The following PDE5A variants were observed in gnomAD, a reference collection of about 807,000 sequenced individuals.
PDE5A encodes phosphodiesterase 5A.
A neutral mutation model predicts 110.2 loss-of-function variants in PDE5A; 67 were observed. The observed-to-expected ratio is 0.61, with a 90% confidence interval of 0.50 to 0.75. The LOEUF (loss-of-function observed/expected upper bound fraction) is 0.75, where lower values mean the gene tolerates loss of function less well. PDE5A is among the 30% of genes least tolerant of loss of function. The pLI, the probability that PDE5A is intolerant of heterozygous loss-of-function variation, is 0.00. For synonymous variants in PDE5A, 328 were observed against 351.2 expected (o/e 0.93, Z 0.74); for missense variants, 862 against 1,045.1 (o/e 0.82, Z 2.42).
At chr4:119,558,844 G>C (rs1393352205) in intron 7 of PDE5A, among the ~76,000 whole-genome samples, 1 of 148,654 alleles carries the variant, frequency 6.7e-6, no homozygotes, top group Non-Finnish European at 1.5e-5. Flanking sequence ...GTGAACCCGG[G>C]AGGCGGAGCT....
chr4:119,561,147 A>G lies in PDE5A; in HGVS notation c.1132-784T>C, dbSNP rs117293377. On this transcript the variant is annotated intron_variant, in intron 6 of 20. Coordinates refer to ENST00000354960, the MANE Select transcript of PDE5A (RefSeq NM_001083.4). The stretch of plus-strand genomic sequence containing the variant: ...CTGTCTCGAAAATAAGAAAGAAAAA[A>G]AATTTTTTAAATCACATTAAAAAGC... Among the ~76,000 whole-genome samples, 21 of 152,356 alleles carry G rather than the reference A, an allele frequency of 1.4e-4. No individual in the cohort carries two copies. The East Asian group carries it at 3.5e-3, about 25-fold the overall frequency.
chr4:119,575,728 A>C (rs745734605), intron 3 of PDE5A, among the ~76,000 whole-genome samples: 6 of 152,330 alleles, frequency 3.9e-5, no homozygotes, highest in Non-Finnish European at 8.8e-5. Context: ...GCCACTGCAA[A>C]AACATGCCAA....
At chr4:119,552,863 A>G (rs1443793123) in intron 8 of PDE5A, among the ~76,000 whole-genome samples, 1 of 151,944 alleles carries the variant, frequency 6.6e-6, no homozygotes, top group Admixed American at 6.6e-5. Flanking sequence ...TTCACTTTAA[A>G]CTTTCCAAGC....
intron 3 of PDE5A, among the ~76,000 whole-genome samples, chr4:119,593,424 T>C (rs1729048367): frequency 6.6e-6 from 1 of 152,126 alleles, no homozygotes; most frequent in Admixed American, 6.5e-5. Flanking sequence ...TACTGATACA[T>C]CCAACAGTAG....
intron 3 of PDE5A, among the ~76,000 whole-genome samples, chr4:119,585,014 G>T (rs145276324): frequency 6.6e-6 from 1 of 152,152 alleles, no homozygotes; most frequent in South Asian, 2.1e-4. Context: ...GGTGGCTCAC[G>T]CCTGTAATCC....
chr4:119,526,851 C>T (rs1726339182), intron 11 of PDE5A, among the ~76,000 whole-genome samples: 2 of 152,042 alleles, frequency 1.3e-5, no homozygotes, highest in African/African-American at 4.8e-5. Context: ...AATTTTTTCC[C>T]AAGACCAAAA....
chr4:119,516,628 T>C (rs934104550), intron 14 of PDE5A, among the ~76,000 whole-genome samples: 2 of 147,684 alleles, frequency 1.4e-5, no homozygotes, highest in Non-Finnish European at 3.0e-5. Context: ...AGATCATTCT[T>C]TTTTTTTTGA....
intron 3 of PDE5A, among the ~76,000 whole-genome samples, chr4:119,576,069 A>G (rs956237346): frequency 6.6e-6 from 1 of 152,248 alleles, no homozygotes; most frequent in Admixed American, 6.5e-5. Context: ...TTAAACCAAC[A>G]AAGATCAAAA....
chr4:119,552,446 T>C (rs1727388002), intron 9 of PDE5A, 104 bp downstream of exon 9: 1 of 439,884 alleles, frequency 2.3e-6, no homozygotes, highest in Non-Finnish European at 4.0e-6. Flanking sequence ...CCAAATTTTA[T>C]CTTTTTTAAA....
At chr4:119,520,808 T>G in intron 13 of PDE5A, 127 bp downstream of exon 13, 1 of 760,178 alleles carries the variant, frequency 1.3e-6, no homozygotes, top group Non-Finnish European at 2.0e-6. Context: ...TATAACTTAT[T>G]ATGTAAGTGG....
At chr4:119,621,329 G>A (rs560105091) in intron 1 of PDE5A, among the ~76,000 whole-genome samples, 45 of 152,236 alleles carry the variant, frequency 3.0e-4, no homozygotes, top group African/African-American at 1.0e-3. Context: ...CTACTCTCCC[G>A]AATACAATGA....
intron 11 of PDE5A, among the ~76,000 whole-genome samples, chr4:119,537,734 C>A (rs186106356): frequency 3.6e-4 from 54 of 151,884 alleles, no homozygotes; most frequent in African/African-American, 1.3e-3. Context: ...TTTCTGATTG[C>A]TGAAGATGTT....
At chr4:119,554,960 A>C (rs565051378) in intron 7 of PDE5A, among the ~76,000 whole-genome samples, 10 of 152,248 alleles carry the variant, frequency 6.6e-5, no homozygotes, top group African/African-American at 2.4e-4. Flanking sequence ...CTGAGTGACA[A>C]CAGCATACAT....
At chr4:119,535,204 G>C (rs991262692) in intron 11 of PDE5A, among the ~76,000 whole-genome samples, 1 of 152,078 alleles carries the variant, frequency 6.6e-6, no homozygotes, top group Non-Finnish European at 1.5e-5. Context: ...ACAAGCTGGG[G>C]CTGCAGGCAT....
intron 3 of PDE5A, among the ~76,000 whole-genome samples, chr4:119,590,805 G>T (rs999967918): frequency 2.0e-5 from 3 of 152,148 alleles, no homozygotes; most frequent in Non-Finnish European, 4.4e-5. Context: ...TTATAATTCA[G>T]ACTTTAGTAT....
chr4:119,552,498 G>A (rs1199915260), intron 9 of PDE5A, 52 bp downstream of exon 9: 1 of 638,414 alleles, frequency 1.6e-6, no homozygotes, highest in East Asian at 3.4e-5. Context: ...GTATAGCTGG[G>A]AATACATTTT....
intron 3 of PDE5A, among the ~76,000 whole-genome samples, chr4:119,577,157 T>C (rs996187862): frequency 3.3e-5 from 5 of 152,148 alleles, no homozygotes; most frequent in South Asian, 2.1e-4. Context: ...AATCTCTGAA[T>C]AGACCAATAA....
intron 7 of PDE5A, among the ~76,000 whole-genome samples, chr4:119,558,952 T>C (rs540614451): frequency 6.6e-6 from 1 of 152,056 alleles, no homozygotes; most frequent in Admixed American, 6.5e-5. Flanking sequence ...TTTAAATGTT[T>C]AGTTAACATA....
At chr4:119,605,534 C>A (rs189862067) in intron 2 of PDE5A, among the ~76,000 whole-genome samples, 6 of 152,034 alleles carry the variant, frequency 3.9e-5, no homozygotes, top group Non-Finnish European at 7.4e-5. Flanking sequence ...GTAATCCCAG[C>A]TACTCGGGAG....
Sources: allele counts gnomAD v4.1 joint callset (sites outside exome capture counted in the v4.1 genomes callset), GRCh38; gene constraint gnomAD v4.1.1; transcripts MANE v1.5; gene names NCBI Gene and HGNC (gene_info 2026-07-23, HGNC 2026-07-21).